DLG2: variants seen among roughly 807,000 people sequenced by gnomAD.
DLG2 encodes the protein discs large MAGUK scaffold protein 2.
DLG2 carries 45 observed loss-of-function variants against 132.5 expected under a neutral mutation model. The observed-to-expected ratio is 0.34, with a 90% confidence interval of 0.27 to 0.44. DLG2 has a LOEUF of 0.44. Among genes scored for constraint, DLG2 ranks in the 20% least tolerant of loss-of-function variants. DLG2 has a pLI of 1.00. For synonymous variants in DLG2, 424 were observed against 419.6 expected (o/e 1.01, Z -0.13); for missense variants, 1,045 against 1,196.9 (o/e 0.87, Z 1.87).
chr11:85,451,184 G>A (rs1304056176), intron 3 of DLG2, among the ~76,000 whole-genome samples: 1 of 152,112 alleles, frequency 6.6e-6, no homozygotes, highest in African/African-American at 2.4e-5. Flanking sequence ...ATTGTCAAAA[G>A]TCTAATGGCT....
chr11:85,052,991 C>T (rs1404110159), intron 6 of DLG2, among the ~76,000 whole-genome samples: 3 of 152,174 alleles, frequency 2.0e-5, no homozygotes, highest in African/African-American at 4.8e-5. Context: ...GTTTCCACTA[C>T]ATTACGCTTT....
Position 83,904,990 on chromosome 11 carries a change from A to T in DLG2, c.1496+25338T>A, listed in dbSNP as rs146546352. 3.6e-4 allele frequency among the ~76,000 whole-genome samples: 55 copies of T among 152,296 alleles called. No individual in the cohort carries two copies. The East Asian group carries it at 9.8e-3, about 27-fold the overall frequency. On this transcript the variant is annotated intron_variant, in intron 15 of 27. Transcript: ENST00000376104. Reference sequence around the variant, plus strand: ...TATTAGACTGAAAATGAAGTAAAAAATCTGAGGTCCTTCATTGTTCTTGAC... The same window carrying T: ...TATTAGACTGAAAATGAAGTAAAAATTCTGAGGTCCTTCATTGTTCTTGAC...
At chr11:83,942,229 C>G (rs1052447060) in intron 14 of DLG2, among the ~76,000 whole-genome samples, 1 of 151,974 alleles carries the variant, frequency 6.6e-6, no homozygotes, top group African/African-American at 2.4e-5. Flanking sequence ...GAAAAAAATT[C>G]ATTAGCATTG....
chr11:84,700,635 A>G (rs1270419964), intron 6 of DLG2, among the ~76,000 whole-genome samples: 1 of 151,686 alleles, frequency 6.6e-6, no homozygotes, highest in African/African-American at 2.4e-5. Flanking sequence ...TGGCCTAAAT[A>G]GCCCTACATT....
At chr11:83,965,260 C>T (rs2154159470) in intron 13 of DLG2, 64 bp downstream of exon 13, 1 of 1,507,230 alleles carries the variant, frequency 6.6e-7, no homozygotes. Context: ...ACTTTGTCAA[C>T]AGTTTTATAG....
chr11:83,791,001 C>A (rs1340439857), intron 17 of DLG2: 1 of 793,896 alleles, frequency 1.3e-6, no homozygotes, highest in Non-Finnish European at 2.1e-6. Context: ...AGAAGCCGAG[C>A]TTTTCAGTGA....
At chr11:84,124,665 A>G (rs781422680) in intron 9 of DLG2, among the ~76,000 whole-genome samples, 5 of 152,100 alleles carry the variant, frequency 3.3e-5, no homozygotes, top group Non-Finnish European at 7.4e-5. Context: ...AAGAGGTCCT[A>G]GACTTCCATA....
At chr11:84,032,513 G>A (rs1466808155) in intron 11 of DLG2, among the ~76,000 whole-genome samples, 1 of 152,188 alleles carries the variant, frequency 6.6e-6, no homozygotes, top group African/African-American at 2.4e-5. Flanking sequence ...GCTAGCAGAG[G>A]TTAATTTGTG....
At chr11:83,768,377 C>G (rs1276946302) in intron 18 of DLG2, among the ~76,000 whole-genome samples, 1 of 152,080 alleles carries the variant, frequency 6.6e-6, no homozygotes, top group East Asian at 1.9e-4. Flanking sequence ...TTTGTGATCC[C>G]CCAGATTTCA....
At chr11:84,299,788 T>TTA (rs1258388332) in intron 7 of DLG2, among the ~76,000 whole-genome samples, 1 of 152,190 alleles carries the variant, frequency 6.6e-6, no homozygotes, top group Non-Finnish European at 1.5e-5. Context: ...TTCAACCTAT[T>TTA]TAACTGTTAT....
chr11:85,339,385 T>G (rs953995952), intron 3 of DLG2, among the ~76,000 whole-genome samples: 2 of 152,306 alleles, frequency 1.3e-5, no homozygotes, highest in African/African-American at 2.4e-5. Context: ...ACAAGAAGGA[T>G]TACTGGGCTG....
intron 7 of DLG2, among the ~76,000 whole-genome samples, chr11:84,422,829 A>C (rs2098955093): frequency 6.6e-6 from 1 of 152,186 alleles, no homozygotes; most frequent in Admixed American, 6.5e-5. Flanking sequence ...TATACAACTA[A>C]ATATTTAATT....
intron 16 of DLG2, among the ~76,000 whole-genome samples, chr11:83,868,853 T>C (rs1301664823): frequency 2.6e-5 from 4 of 152,170 alleles, no homozygotes; most frequent in Non-Finnish European, 5.9e-5. Context: ...CTGAAGGAAG[T>C]TGAGCATTCA....
At chr11:84,850,084 C>T (rs1044113623) in intron 6 of DLG2, among the ~76,000 whole-genome samples, 1 of 152,012 alleles carries the variant, frequency 6.6e-6, no homozygotes, top group African/African-American at 2.4e-5. Context: ...CATGTTATTT[C>T]TGACTAATTA....
chr11:85,412,236 T>C (rs2089375312), intron 3 of DLG2, among the ~76,000 whole-genome samples: 1 of 151,790 alleles, frequency 6.6e-6, no homozygotes. Context: ...TTCTCTTCTG[T>C]TTGATAAAAT....
intron 11 of DLG2, among the ~76,000 whole-genome samples, chr11:84,025,778 G>A (rs574098697): frequency 5.9e-5 from 9 of 152,096 alleles, no homozygotes; most frequent in South Asian, 4.1e-4. Flanking sequence ...ATACCATAAC[G>A]TGGAACAGAT....
intron 17 of DLG2, among the ~76,000 whole-genome samples, chr11:83,827,816 G>A (rs891330680): frequency 7.2e-5 from 11 of 152,152 alleles, no homozygotes; most frequent in African/African-American, 2.2e-4. Context: ...CTGAGGAGGC[G>A]ACTGCACTAG....
At chr11:83,902,661 C>T (rs1645942324) in intron 15 of DLG2, among the ~76,000 whole-genome samples, 1 of 152,060 alleles carries the variant, frequency 6.6e-6, no homozygotes, top group Non-Finnish European at 1.5e-5. Flanking sequence ...ACTGTGTGGT[C>T]CCAGAAGGTA....
At chr11:84,183,217 AAAATACTTTCTAACTCAT>A (rs1252050322) in intron 8 of DLG2, among the ~76,000 whole-genome samples, 4 of 152,224 alleles carry the variant, frequency 2.6e-5, no homozygotes, top group African/African-American at 9.6e-5. Flanking sequence ...AGAAGCACAA[AAAATACTTTCTAACTCAT>A]AAATACTTTC....
Sources: gnomAD v4.1 joint callset for allele counts (sites outside exome capture counted in the v4.1 genomes callset) on GRCh38, gnomAD v4.1.1 for gene constraint, MANE v1.5 for transcripts, NCBI Gene and HGNC (gene_info 2026-07-23, HGNC 2026-07-21) for gene names.